The following ZNF716 variants were observed in gnomAD, a reference collection of about 807,000 sequenced individuals.
The protein encoded by ZNF716 is zinc finger protein 716.
A neutral mutation model predicts 13.4 loss-of-function variants in ZNF716; 9 were observed. That is an observed-to-expected ratio of 0.67 (90% CI 0.41 to 1.18). The LOEUF (loss-of-function observed/expected upper bound fraction) is 1.18, where lower values mean the gene tolerates loss of function less well. ZNF716 is among the 50% of genes most tolerant of loss of function. The pLI is 0.01. For missense variants in ZNF716, 581 were observed against 576.6 expected, an observed-to-expected ratio of 1.01 and a Z score of -0.08; for synonymous variants, 186 against 195.2, an observed-to-expected ratio of 0.95 and a Z score of 0.39.
chr7:57,452,926 G>A (rs1276307382), intron 1 of ZNF716, among the ~76,000 whole-genome samples: 1 of 151,984 alleles, frequency 6.6e-6, no homozygotes, highest in African/African-American at 2.4e-5. Context: ...AATAGCATGC[G>A]GTATGAAGTG....
chr7:57,457,901 T>C (rs1191239724), intron 1 of ZNF716, among the ~76,000 whole-genome samples: 1 of 152,184 alleles, frequency 6.6e-6, no homozygotes, highest in Non-Finnish European at 1.5e-5. Context: ...AGTGACAACA[T>C]ACAGTATTTG....
In ZNF716 at chr7:57,458,548, G is replaced by A. The variant is rs142014057; in HGVS notation, c.40-3912G>A. 6.1e-3 allele frequency among the ~76,000 whole-genome samples: 924 copies of A among 151,870 alleles called. 7 individuals are homozygous for A. The highest frequency in any genetic ancestry group is 0.02 in the African/African-American group (831 of 41,420). On this transcript the variant is annotated intron_variant, in intron 1 of 3. Transcript: ENST00000420713. ...AGCGATTCTTTTGCCTCAGCCTCCC[G>A]AATAGCGGGGATTACAGGAGCCCAC... is the stretch of plus-strand genomic sequence containing the variant.
At chr7:57,456,129 T>C (rs200799653) in intron 1 of ZNF716, among the ~76,000 whole-genome samples, 1 of 151,938 alleles carries the variant, frequency 6.6e-6, no homozygotes, top group South Asian at 2.1e-4. Context: ...CTAATTTTTG[T>C]ATTTTTAGTA....
chr7:57,466,630 A>G (rs1554324173), intron 3 of ZNF716, among the ~76,000 whole-genome samples: 1 of 152,168 alleles, frequency 6.6e-6, no homozygotes, highest in African/African-American at 2.4e-5. Context: ...ATGCTGGCAT[A>G]TACTTCTTGT....
chr7:57,455,407 A>G (rs1351589913), intron 1 of ZNF716, among the ~76,000 whole-genome samples: 6 of 152,260 alleles, frequency 3.9e-5, no homozygotes, highest in African/African-American at 1.4e-4. Context: ...AATTTCCAGA[A>G]TCTATATCTG....
Position 57,468,907 on chromosome 7 carries a change from T to TAAC in ZNF716, c.446_447insAAC (p.Leu149_Ser150insThr), listed in dbSNP as rs782142665. 1.4e-4 allele frequency: 230 copies of TAAC among 1,605,942 alleles called. 2 individuals carry two copies. Among genetic ancestry groups the TAAC allele is most frequent in the Admixed American group, 2.7e-4 (16 of 59,644 alleles). Reference sequence around the variant, plus strand: ...GGTTATAATTATGTTAACCAATGTTTGTCAGCTACCCAAAACAAAACATTT... The same window carrying TAAC: ...GGTTATAATTATGTTAACCAATGTTTAACGTCAGCTACCCAAAACAAAACATTT... On this transcript the variant is annotated inframe_insertion, in exon 4 of 4. Coordinates refer to ENST00000420713, the MANE Select transcript of ZNF716 (RefSeq NM_001159279.1).
At chr7:57,454,821 G>A (rs1420000819) in intron 1 of ZNF716, among the ~76,000 whole-genome samples, 1 of 152,070 alleles carries the variant, frequency 6.6e-6, no homozygotes, top group Non-Finnish European at 1.5e-5. Context: ...CCAGGAGATC[G>A]AGACCATCCT....
At chr7:57,462,687 C>T in intron 2 of ZNF716, 101 bp downstream of exon 2, 1 of 1,346,716 alleles carries the variant, frequency 7.4e-7, no homozygotes, top group South Asian at 1.4e-5. Flanking sequence ...TTTTAGCTCT[C>T]CAGTTTTAAG....
At position 57,471,955 on chromosome 7, in the gene ZNF716, AG is replaced by A. The variant is rs1429016484; in HGVS notation, c.*2007del. 6.6e-6 allele frequency: 1 copy of A among 152,218 alleles called. No homozygotes were observed. Among genetic ancestry groups the A allele is most frequent in the Non-Finnish European group, 1.5e-5 (1 of 68,036 alleles). The allele number at this position is 152,218 out of a possible 1,614,324, so 9.4% of individuals were successfully genotyped here. ...CTTCTTTCTTTGTAAAAAAAAATAT[AG>A]ATTTTCTGAAAAGCAAATAGTAATG... On this transcript the variant is annotated 3_prime_UTR_variant, in exon 4 of 4. Coordinates refer to ENST00000420713, the MANE Select transcript of ZNF716 (RefSeq NM_001159279.1).
At position 57,471,554 on chromosome 7, in the gene ZNF716, G is replaced by A. The variant is rs755842722; in HGVS notation, c.*1605G>A. ...TGTGTAGTACCTTTATTTGTATTAC[G>A]GATTTTATTGTACACATTTTATATC... On this transcript the variant is annotated 3_prime_UTR_variant, in exon 4 of 4. Transcript: ENST00000420713. The A allele has an allele frequency of 5.3e-5, 8 of 152,008 alleles. No homozygotes were observed. The highest frequency in any genetic ancestry group is 4.1e-4 in the South Asian group (2 of 4,824). The allele number at this position is 152,008 out of a possible 1,614,324, so 9.4% of individuals were successfully genotyped here.
rs1361765018 is a variant in ZNF716 at position 57,469,805 on chromosome 7, C to T, written c.1344C>T (p.Ser448=). The part of the protein sequence containing the change: ...CKECGKAFTF[S]STLNTHKRIH... ...AATGTGGGAAAGCCTTTACCTTCTC[C>T]TCAACTCTAAATACTCATAAGAGGA... is the stretch of plus-strand genomic sequence containing the variant. Residue 448 remains serine (S), a synonymous_variant, in exon 4 of 4, where the codon TCC becomes TCT. Coordinates refer to ENST00000420713, the MANE Select transcript of ZNF716 (RefSeq NM_001159279.1). The T allele has an allele frequency of 5.6e-6, 9 of 1,604,578 alleles. No homozygotes were observed. The highest frequency in any genetic ancestry group is 7.7e-6 in the Non-Finnish European group (9 of 1,175,050).
chr7:57,469,761 A>G lies in ZNF716; in HGVS notation c.1300A>G (p.Lys434Glu). The change falls in exon 4 of 4, where the codon AAA (lysine) becomes GAA (glutamate). Residue 434 changes from lysine to glutamate, a missense_variant. Transcript: ENST00000420713. Reference protein sequence around the residue: ...KKHKIIHTGEKLYKCKECGKA... With the variant: ...KKHKIIHTGEELYKCKECGKA... The stretch of plus-strand genomic sequence containing the variant: ...ACATAAGATAATTCATACTGGAGAG[A>G]AACTCTACAAATGTAAAGAATGTGG... The G allele has an allele frequency of 3.7e-6, 6 of 1,611,076 alleles. No homozygotes were observed. The highest frequency in any genetic ancestry group is 5.1e-6 in the Non-Finnish European group (6 of 1,178,532).
chr7:57,453,536 G>T (rs1554321804), intron 1 of ZNF716, among the ~76,000 whole-genome samples: 1 of 152,200 alleles, frequency 6.6e-6, no homozygotes, highest in Non-Finnish European at 1.5e-5. Context: ...ATGTAGTCAT[G>T]TATTCTATTG....
At chr7:57,463,462 T>C (rs1554323519) in intron 3 of ZNF716, among the ~76,000 whole-genome samples, 2 of 152,224 alleles carry the variant, frequency 1.3e-5, no homozygotes, top group Admixed American at 1.3e-4. Context: ...CCATTGCTTT[T>C]GGGGACACAC....
At chr7:57,468,697 G>A (rs1554324488) in intron 3 of ZNF716, 27 bp from the exon 4 acceptor site, 6 of 1,579,488 alleles carry the variant, frequency 3.8e-6, no homozygotes, top group South Asian at 2.4e-5. Context: ...AGTAAGTGGA[G>A]AAACTTGTGA....
At position 57,450,237 on chromosome 7, in the gene ZNF716, T is replaced by A; in HGVS notation, c.-52T>A. 3 of 1,612,840 alleles carry A rather than the reference T, an allele frequency of 1.9e-6. No individual in the cohort carries two copies. Among genetic ancestry groups the A allele is most frequent in the Non-Finnish European group, 2.5e-6 (3 of 1,179,240 alleles). ...CTCTTCACTGCTCTGCGTCCTCTGCTCCTGGAGGCCAAGCCTCTGTGGCCT... is the reference window on the plus strand; with the variant it reads ...CTCTTCACTGCTCTGCGTCCTCTGCACCTGGAGGCCAAGCCTCTGTGGCCT... On this transcript the variant is annotated 5_prime_UTR_variant, in exon 1 of 4. Coordinates refer to ENST00000420713, the MANE Select transcript of ZNF716 (RefSeq NM_001159279.1).
At chr7:57,467,445 A>T (rs1294333062) in intron 3 of ZNF716, among the ~76,000 whole-genome samples, 2 of 152,156 alleles carry the variant, frequency 1.3e-5, no homozygotes, top group East Asian at 3.9e-4. Flanking sequence ...ATTCTGGAAG[A>T]TCTTTATTTT....
At chr7:57,460,051 GA>G (rs1231397728) in intron 1 of ZNF716, among the ~76,000 whole-genome samples, 24 of 151,464 alleles carry the variant, frequency 1.6e-4, no homozygotes, top group South Asian at 6.3e-4. Context: ...AGGAGGAAGA[GA>G]AAAAAAATCA....
At chr7:57,454,291 T>G (rs1284476802) in intron 1 of ZNF716, among the ~76,000 whole-genome samples, 1 of 152,258 alleles carries the variant, frequency 6.6e-6, no homozygotes, top group Non-Finnish European at 1.5e-5. Context: ...CTTTTGCTTT[T>G]CTTATTGAGC....
Sources: gnomAD v4.1 joint callset for allele counts (sites outside exome capture counted in the v4.1 genomes callset) on GRCh38, gnomAD v4.1.1 for gene constraint, MANE v1.5 for transcripts, NCBI Gene and HGNC (gene_info 2026-07-23, HGNC 2026-07-21) for gene names.